Variants in DMAC2 observed in about 807,000 individuals in gnomAD.
DMAC2 encodes distal membrane arm assembly component 2.
In DMAC2, 32 loss-of-function variants were observed where a neutral mutation model predicts 29.6. The observed-to-expected ratio is 1.08, with a 90% CI of 0.81 to 1.45. The LOEUF is 1.45. DMAC2 is among the 40% of genes most tolerant of loss of function. The pLI, the probability that DMAC2 is intolerant of heterozygous loss-of-function variation, is 0.00. For synonymous variants in DMAC2, 133 were observed against 137.4 expected, an observed-to-expected ratio of 0.97 and a Z score of 0.23; for missense variants, 319 against 340.0, an observed-to-expected ratio of 0.94 and a Z score of 0.49.
intron 1 of DMAC2, 183 bp downstream of exon 1, chr19:41,439,699 G>T: frequency 7.7e-7 from 1 of 1,306,944 alleles, no homozygotes; most frequent in South Asian, 1.3e-5. Flanking sequence ...TCCTCCGCCT[G>T]CGACCCTCAC....
rs1429102415 is a variant in DMAC2 at position 41,432,230 on chromosome 19, G to T, written c.*1C>A. ...CACGTGAGTGGGGACAGGGCTAAAG[G>T]CTAGGCAGGGACAGGGCTGGCTGTG... On this transcript the variant is annotated 3_prime_UTR_variant, in exon 6 of 6. Coordinates refer to ENST00000221943, the MANE Select transcript of DMAC2 (RefSeq NM_018035.3). 2 of 1,613,148 alleles carry T rather than the reference G, an allele frequency of 1.2e-6. No individual in the cohort carries two copies. Among genetic ancestry groups the T allele is most frequent in the Non-Finnish European group, 1.7e-6 (2 of 1,179,682 alleles).
Position 41,433,786 on chromosome 19 carries a change from C to T in DMAC2, c.297-113G>A, listed in dbSNP as rs370731948. 7.2e-6 allele frequency: 10 copies of T among 1,393,092 alleles called. 1 individual carries two copies. In the African/African-American group the frequency reaches 1.4e-4, roughly 20 times the overall value. 86.3% of individuals were successfully genotyped at this position (1,393,092 alleles called of 1,614,324 possible). On this transcript the variant is annotated intron_variant, in intron 3 of 5. Coordinates refer to ENST00000221943, the MANE Select transcript of DMAC2 (RefSeq NM_018035.3). ...TATGTATAGGTCACCCTTGACATAA[C>T]TAATTCCATCTTAGAAAAAGACTCC...
intron 2 of DMAC2, among the ~76,000 whole-genome samples, chr19:41,437,119 G>A (rs534059201): frequency 6.6e-6 from 1 of 152,296 alleles, no homozygotes; most frequent in South Asian, 2.1e-4. Flanking sequence ...TATGGGACAG[G>A]CCAGGTGTGG....
intron 1 of DMAC2, 41 bp downstream of exon 1, chr19:41,439,841 C>G: frequency 1.6e-5 from 26 of 1,614,062 alleles, no homozygotes; most frequent in Non-Finnish European, 2.1e-5. Context: ...GGCTGTAGAG[C>G]GGACTTCAAA....
intron 5 of DMAC2, chr19:41,432,779 C>CGT (rs1371107416): frequency 0.012 from 3,610 of 303,610 alleles, 77 homozygotes; most frequent in Non-Finnish European, 0.013. Context: ...TACAGGACAG[C>CGT]GTGCGTGTGT....
intron 1 of DMAC2, chr19:41,439,172 G>A (rs2040025362): frequency 6.5e-6 from 2 of 310,066 alleles, no homozygotes; most frequent in Non-Finnish European, 1.2e-5. Context: ...TGCTTTCAAG[G>A]TCTCCTCTTA....
In DMAC2 at chr19:41,435,823, A is replaced by G. The variant is rs188270087; in HGVS notation, c.296+569T>C. ...TGACCTTCCTGTCTCGGCCTCCCAAAGTGCTGGGATTACAGAATGAGCCAG... is the reference window on the plus strand; with the variant it reads ...TGACCTTCCTGTCTCGGCCTCCCAAGGTGCTGGGATTACAGAATGAGCCAG... On this transcript the variant is annotated intron_variant, in intron 3 of 5. Transcript: ENST00000221943. Among the ~76,000 whole-genome samples, 45 of 151,030 alleles carry G rather than the reference A, an allele frequency of 3.0e-4. 2 individuals are homozygous for G. The Middle Eastern group carries it at 0.021, about 72-fold the overall frequency.
chr19:41,439,844 A>G, intron 1 of DMAC2, 38 bp downstream of exon 1: 1 of 1,614,008 alleles, frequency 6.2e-7, no homozygotes, highest in Non-Finnish European at 8.5e-7. Flanking sequence ...TGTAGAGCGG[A>G]CTTCAAATTT....
chr19:41,432,180 C>A lies in DMAC2; in HGVS notation c.*51G>T. 1 of 1,574,824 alleles carries A rather than the reference C, an allele frequency of 6.3e-7. No homozygotes were observed. The highest frequency in any genetic ancestry group is 8.7e-7 in the Non-Finnish European group (1 of 1,155,286). On this transcript the variant is annotated 3_prime_UTR_variant, in exon 6 of 6. Transcript: ENST00000221943. The stretch of plus-strand genomic sequence containing the variant: ...GCCAGAAGTGTGGTGAGCTACCAGA[C>A]ATTCCATGCAGCCCGCTGAGAAGCC...
chr19:41,435,799 G>A (rs2039827751), intron 3 of DMAC2, among the ~76,000 whole-genome samples: 1 of 151,962 alleles, frequency 6.6e-6, no homozygotes, highest in South Asian at 2.1e-4. Context: ...GGCCTCCAGT[G>A]ACCTTCCTGT....
chr19:41,432,777 AGCGT>A (rs1315839566), intron 5 of DMAC2: 17 of 301,774 alleles, frequency 5.6e-5, no homozygotes, highest in East Asian at 1.7e-4. Flanking sequence ...GGTACAGGAC[AGCGT>A]GCGTGTGTGT....
intron 2 of DMAC2, among the ~76,000 whole-genome samples, 197 bp from the exon 3 acceptor site, chr19:41,436,669 G>T (rs1180706312): frequency 1.3e-5 from 2 of 152,188 alleles, no homozygotes; most frequent in Non-Finnish European, 2.9e-5. Flanking sequence ...TAACATCCCT[G>T]CCCAGTCTGG....
Position 41,433,598 on chromosome 19 carries a change from C to T in DMAC2, c.372G>A (p.Val124=). 2 of 1,614,210 alleles carry T rather than the reference C, an allele frequency of 1.2e-6. No homozygotes were observed. The change falls in exon 4 of 6, where the codon GTG becomes GTA. Residue 124 remains valine, a synonymous_variant. Transcript: ENST00000221943. Reference sequence around the variant, plus strand: ...CACCGGCATCCACAGCTTCGACAGGCACTTCACAGAAATTCCAGAACTCCT... The same window carrying T: ...CACCGGCATCCACAGCTTCGACAGGTACTTCACAGAAATTCCAGAACTCCT... ...FSQEFWNFCE[V]PVEAVDAGDC... is the part of the protein sequence containing the mutation.
intron 3 of DMAC2, 42 bp from the exon 4 acceptor site, chr19:41,433,715 GCCCCAGGCCTCCAGCCTCTTCAGAACCTT>G: frequency 6.8e-6 from 11 of 1,613,106 alleles, no homozygotes; most frequent in Non-Finnish European, 9.3e-6. Flanking sequence ...ACCTGAACCT[GCCCCAGGCCTCCAGCCTCTTCAGAACCTT>G]CCCCAGCCCT....
intron 3 of DMAC2, among the ~76,000 whole-genome samples, chr19:41,435,459 AG>A (rs781942941): frequency 6.6e-6 from 1 of 152,024 alleles, no homozygotes; most frequent in Non-Finnish European, 1.5e-5. Flanking sequence ...TAGTGGAGAC[AG>A]GGTTTCACCA....
At chr19:41,432,469 G>T in intron 5 of DMAC2, 61 bp from the exon 6 acceptor site, 5 of 1,541,528 alleles carry the variant, frequency 3.2e-6, no homozygotes, top group Non-Finnish European at 4.4e-6. Flanking sequence ...TGTGTGTAGG[G>T]AGGTACAGGA....
chr19:41,436,396 C>A lies in DMAC2; in HGVS notation c.292G>T (p.Val98Phe). 6.2e-7 allele frequency: 1 copy of A among 1,614,112 alleles called. No individual in the cohort carries two copies. Among genetic ancestry groups the A allele is most frequent in the South Asian group, 1.1e-5 (1 of 91,084 alleles). The change falls in exon 3 of 6, where the codon GTC becomes TTC. Residue 98 changes from valine (V) to phenylalanine (F), a missense_variant. Transcript: ENST00000221943. ...AFFILKQGGAVKFRDKEWIRP... is the reference protein window; with the variant it reads ...AFFILKQGGAFKFRDKEWIRP... ...CTAACACCTTAGCGGTCATACTTGACTGCGCCTCCCTGCTTCAGGATGAAA... is the reference window on the plus strand; with the variant it reads ...CTAACACCTTAGCGGTCATACTTGAATGCGCCTCCCTGCTTCAGGATGAAA...
rs373150933 is a variant in DMAC2, at chr19:41,433,363, G to A, written c.505C>T (p.Leu169Phe). The change falls in exon 5 of 6, where the codon CTC (leucine) becomes TTC (phenylalanine). Residue 169 changes from leucine to phenylalanine, a missense_variant. Coordinates refer to ENST00000221943, the MANE Select transcript of DMAC2 (RefSeq NM_018035.3). ...TGCAACGAGTCGGCCAGTGGGTAGA[G>A]GCGGCTGAGACACCAGTCGTCCACG... ...CHVDDWCLSR[L>F]YPLADSLQEL... 19 of 1,612,724 alleles carry A rather than the reference G, an allele frequency of 1.2e-5. No individual in the cohort carries two copies. The highest frequency in any genetic ancestry group is 1.2e-4 in the Admixed American group (7 of 60,008).
In DMAC2 at chr19:41,432,382, T is replaced by G. The variant is rs782571130; in HGVS notation, c.623A>C (p.Asp208Ala). The stretch of plus-strand genomic sequence containing the variant: ...GCCAGGGTTGGACACGGCAGGGAGG[T>G]CCGAGATGTCCAGCCTGCGGAGGTT... ...LQNLRRLDIS[D>A]LPAVSNPGLT... The change falls in exon 6 of 6, where the codon GAC (aspartate) becomes GCC (alanine). Residue 208 changes from aspartate (D) to alanine (A), a missense_variant. Coordinates refer to ENST00000221943, the MANE Select transcript of DMAC2 (RefSeq NM_018035.3). 6.2e-7 allele frequency: 1 copy of G among 1,613,664 alleles called. No homozygotes were observed. Among genetic ancestry groups the G allele is most frequent in the Non-Finnish European group, 8.5e-7 (1 of 1,179,952 alleles).
Sources: allele counts gnomAD v4.1 joint callset (sites outside exome capture counted in the v4.1 genomes callset), GRCh38; gene constraint gnomAD v4.1.1; transcripts MANE v1.5; gene names NCBI Gene and HGNC (gene_info 2026-07-23, HGNC 2026-07-21).